Variants in NRP2 observed in about 807,000 individuals in gnomAD.
The protein encoded by NRP2 is neuropilin 2.
Under a neutral mutation model 110.4 loss-of-function variants are expected in NRP2, and 52 were observed. That is an observed-to-expected ratio of 0.47 (90% CI 0.38 to 0.59). NRP2 has a LOEUF of 0.59. Among genes scored for constraint, NRP2 ranks in the 20% least tolerant of loss-of-function variants. The pLI, the probability that NRP2 is intolerant of heterozygous loss-of-function variation, is 0.00. For synonymous variants in NRP2, 508 were observed against 468.9 expected, an observed-to-expected ratio of 1.08 and a Z score of -1.08; for missense variants, 1,049 against 1,203.0, an observed-to-expected ratio of 0.87 and a Z score of 1.89.
At chr2:205,780,761 T>C (rs1474927467) in intron 15 of NRP2, among the ~76,000 whole-genome samples, 1 of 152,204 alleles carries the variant, frequency 6.6e-6, no homozygotes, top group East Asian at 1.9e-4. Flanking sequence ...GAAGGAGTGC[T>C]TTTTACAGCT....
intron 9 of NRP2, 54 bp from the exon 10 acceptor site, chr2:205,745,692 G>GTGAT: frequency 6.2e-7 from 1 of 1,610,444 alleles, no homozygotes; most frequent in Non-Finnish European, 8.5e-7. Context: ...AGGGAAGAAG[G>GTGAT]TGATAGGGAC....
At chr2:205,791,961 C>A (rs2058306693) in intron 15 of NRP2, among the ~76,000 whole-genome samples, 1 of 152,152 alleles carries the variant, frequency 6.6e-6, no homozygotes, top group South Asian at 2.1e-4. Flanking sequence ...TAATGAATGC[C>A]AGTCATTAAA....
Position 205,789,742 on chromosome 2 carries a change from A to G in NRP2, c.2426-2493A>G, listed in dbSNP as rs76729413. Among the ~76,000 whole-genome samples the G allele has an allele frequency of 6.4e-3, 969 of 152,250 alleles. 8 individuals are homozygous for G. The highest frequency in any genetic ancestry group is 0.022 in the African/African-American group (913 of 41,546). ...CTTGCCTATTCTTTGCTAGAACTAC[A>G]GGGACCTAATGAGAGAACCACATTC... On this transcript the variant is annotated intron_variant, in intron 15 of 16. Transcript: ENST00000357785.
At chr2:205,708,620 C>T (rs757159674) in intron 2 of NRP2, among the ~76,000 whole-genome samples, 2 of 152,146 alleles carry the variant, frequency 1.3e-5, no homozygotes, top group African/African-American at 2.4e-5. Flanking sequence ...AGGGCCTTTG[C>T]GGAAAAAGAG....
intron 2 of NRP2, among the ~76,000 whole-genome samples, chr2:205,709,660 T>C (rs1418213219): frequency 2.6e-5 from 4 of 152,206 alleles, no homozygotes; most frequent in Non-Finnish European, 5.9e-5. Flanking sequence ...AATTTAACGT[T>C]TCTTTTGTCA....
rs557861121 is a variant in NRP2 at position 205,721,849 on chromosome 2, T to G, written c.434-629T>G. Among the ~76,000 whole-genome samples the G allele has an allele frequency of 2.0e-5, 3 of 152,304 alleles. No homozygotes were observed. In the South Asian group the frequency reaches 6.2e-4, roughly 32 times the overall value. On this transcript the variant is annotated intron_variant, in intron 3 of 16. Transcript: ENST00000357785. ...ATCCACCAGCTAAAAACATCGATTGTTAATTGTCCGACCACTACAGAGCAG... is the reference window on the plus strand; with the variant it reads ...ATCCACCAGCTAAAAACATCGATTGGTAATTGTCCGACCACTACAGAGCAG...
intron 10 of NRP2, among the ~76,000 whole-genome samples, chr2:205,747,485 G>GT (rs2057559096): frequency 6.6e-6 from 1 of 152,230 alleles, no homozygotes; most frequent in Non-Finnish European, 1.5e-5. Flanking sequence ...ATAAATAACT[G>GT]TAACTGAAAC....
rs938470499 is a variant in NRP2, at chr2:205,731,100, A to G, written c.1146+3054A>G. On this transcript the variant is annotated intron_variant, in intron 7 of 16. Transcript: ENST00000357785. ...AAATCTTTATCCAATTCCACATGCC[A>G]TAAATATGGAACCTATGATTCTCAT... 2.0e-5 allele frequency among the ~76,000 whole-genome samples: 3 copies of G among 152,258 alleles called. No individual in the cohort carries two copies. The East Asian group carries it at 5.8e-4, about 29-fold the overall frequency.
Position 205,717,236 on chromosome 2 carries a change from C to T in NRP2, c.433+862C>T, listed in dbSNP as rs574663145. Among the ~76,000 whole-genome samples, 5 of 152,200 alleles carry T rather than the reference C, an allele frequency of 3.3e-5. No individual in the cohort carries two copies. The South Asian group carries it at 1.0e-3, about 32-fold the overall frequency. On this transcript the variant is annotated intron_variant, in intron 3 of 16. Transcript: ENST00000357785. ...TCCAGTCCTCCCCACCCACCACCCACTCCCTTCCTCAGAGGCTCCCCTTCC... is the reference window on the plus strand; with the variant it reads ...TCCAGTCCTCCCCACCCACCACCCATTCCCTTCCTCAGAGGCTCCCCTTCC...
chr2:205,781,452 C>T (rs535140413), intron 15 of NRP2, among the ~76,000 whole-genome samples: 1 of 152,248 alleles, frequency 6.6e-6, no homozygotes, highest in Admixed American at 6.5e-5. Context: ...CCACTGCCCC[C>T]CTAGCTCAGA....
chr2:205,766,888 A>G, intron 15 of NRP2, 85 bp downstream of exon 15: 1 of 1,273,478 alleles, frequency 7.9e-7, no homozygotes, highest in Non-Finnish European at 1.1e-6. Flanking sequence ...GGGGGGAATC[A>G]ACCTCCAAAT....
At chr2:205,776,972 G>C (rs2058110579) in intron 15 of NRP2, 1 of 1,086,926 alleles carries the variant, frequency 9.2e-7, no homozygotes, top group Non-Finnish European at 1.1e-6. Flanking sequence ...ATAGCTCTCT[G>C]TGTGTGGGTG....
chr2:205,706,200 C>T lies in NRP2; in HGVS notation c.251+8479C>T, dbSNP rs62172960. On this transcript the variant is annotated intron_variant, in intron 2 of 16. Transcript: ENST00000357785. ...AGCGGAAGTAATTGATTCCTCACAC[C>T]GAGAGAATTCGCCTGCCTTTAGTGT... is the stretch of plus-strand genomic sequence containing the variant. 6.7e-3 allele frequency among the ~76,000 whole-genome samples: 1,025 copies of T among 152,016 alleles called. 6 individuals are homozygous for T. Among genetic ancestry groups the T allele is most frequent in the Middle Eastern group, 0.01 (3 of 294 alleles).
Position 205,727,910 on chromosome 2 carries a change from C to T in NRP2, c.1010C>T (p.Thr337Ile). 3 of 1,613,734 alleles carry T rather than the reference C, an allele frequency of 1.9e-6. No homozygotes were observed. The highest frequency in any genetic ancestry group is 1.7e-6 in the Non-Finnish European group (2 of 1,179,862). ...CCCCAGGTGGACCTGCGCTTTTTAA[C>T]CATGCTCACGGCCATCGCAACACAG... ...EYLQVDLRFL[T>I]MLTAIATQGA... The change falls in exon 7 of 17, where the codon ACC becomes ATC. Residue 337 changes from threonine to isoleucine, a missense_variant. Physicochemically the swap from Thr to Ile is moderately conservative, Grantham distance 89. Transcript: ENST00000357785.
chr2:205,770,617 C>A lies in NRP2; in HGVS notation c.2425+3814C>A, dbSNP rs111879059. On this transcript the variant is annotated intron_variant, in intron 15 of 16. Transcript: ENST00000357785. Reference sequence around the variant, plus strand: ...TTCTCCCTGGACTCCCTTCCTCCCACGCCTCCTTCTCCTAGAAGCACTTCT... The same window carrying A: ...TTCTCCCTGGACTCCCTTCCTCCCAAGCCTCCTTCTCCTAGAAGCACTTCT... Among the ~76,000 whole-genome samples the A allele has an allele frequency of 2.6e-5, 4 of 152,322 alleles. 1 individual carries two copies. Among genetic ancestry groups the A allele is most frequent in the Admixed American group, 2.6e-4 (4 of 15,308 alleles).
chr2:205,725,860 C>T lies in NRP2; in HGVS notation c.821-53C>T, dbSNP rs1490955087. The T allele has an allele frequency of 9.4e-6, 15 of 1,600,950 alleles. No individual in the cohort carries two copies. Among genetic ancestry groups the T allele is most frequent in the African/African-American group, 1.3e-5 (1 of 74,612 alleles). On this transcript the variant is annotated intron_variant, in intron 5 of 16. Coordinates refer to ENST00000357785, the MANE Select transcript of NRP2 (RefSeq NM_003872.3). This position sits in a 1 kb window ranked among gnomAD's most constrained non-coding sequence, Gnocchi z 4.1. The stretch of plus-strand genomic sequence containing the variant: ...GAAGGGAGGCAGCATTTGGGGGATC[C>T]CGAGGTATGAGGTTGGAAGGCCTAA...
At chr2:205,744,733 C>T (rs951996284) in intron 9 of NRP2, among the ~76,000 whole-genome samples, 1 of 152,190 alleles carries the variant, frequency 6.6e-6, no homozygotes, top group Non-Finnish European at 1.5e-5. Context: ...ATTCTGAATA[C>T]AGAGGCAAGA....
Position 205,697,466 on chromosome 2 carries a change from A to G in NRP2, c.74-78A>G, listed in dbSNP as rs546023259. 2.9e-4 allele frequency: 372 copies of G among 1,299,232 alleles called. 1 individual carries two copies. Among genetic ancestry groups the G allele is most frequent in the Non-Finnish European group, 4.0e-4 (359 of 892,698 alleles). 80.5% of individuals were successfully genotyped at this position (1,299,232 alleles called of 1,614,324 possible). ...AATAGTTTTAATCAGACACTGGTACAGAAGAGAAGGAGGGAGTGTGGGGGG... is the reference window on the plus strand; with the variant it reads ...AATAGTTTTAATCAGACACTGGTACGGAAGAGAAGGAGGGAGTGTGGGGGG... On this transcript the variant is annotated intron_variant, in intron 1 of 16. Transcript: ENST00000357785.
At chr2:205,777,231 G>A in intron 15 of NRP2, 4 of 812,298 alleles carry the variant, frequency 4.9e-6, no homozygotes, top group South Asian at 5.6e-5. Context: ...ATGGGATGCA[G>A]TGTGGCTTCT....
Sources: allele counts gnomAD v4.1 joint callset (sites outside exome capture counted in the v4.1 genomes callset), GRCh38; gene constraint gnomAD v4.1.1; non-coding constraint Gnocchi (gnomAD v3.1); transcripts MANE v1.5; gene names NCBI Gene and HGNC (gene_info 2026-07-23, HGNC 2026-07-21).